The following HERC5 variants were observed in gnomAD, a reference collection of about 807,000 sequenced individuals.
HERC5 encodes E3 ISG15--protein ligase HERC5.
A neutral mutation model predicts 119.6 loss-of-function variants in HERC5; 99 were observed. The ratio of observed to expected loss-of-function variants is 0.83; its 90% CI spans 0.70 to 0.98. The LOEUF (loss-of-function observed/expected upper bound fraction) is 0.98. Among genes scored for constraint, HERC5 ranks in the 50% least tolerant of loss-of-function variants. The pLI is 0.00. For missense variants in HERC5, 1,267 were observed against 1,241.3 expected (o/e 1.02, Z -0.31); for synonymous variants, 478 against 445.9 (o/e 1.07, Z -0.91).
chr4:88,479,895 G>A (rs1216933109), intron 13 of HERC5, among the ~76,000 whole-genome samples: 4 of 151,924 alleles, frequency 2.6e-5, no homozygotes, highest in East Asian at 3.9e-4. Flanking sequence ...GTGAAACCCC[G>A]TCTCTATTAA....
intron 16 of HERC5, among the ~76,000 whole-genome samples, chr4:88,490,070 C>G (rs772497191): frequency 1.3e-5 from 2 of 152,068 alleles, no homozygotes; most frequent in African/African-American, 2.4e-5. Flanking sequence ...TCTTTAAATC[C>G]TACAGTTATT....
chr4:88,463,272 A>G (rs900712097), intron 4 of HERC5, among the ~76,000 whole-genome samples: 21 of 152,232 alleles, frequency 1.4e-4, no homozygotes, highest in African/African-American at 4.6e-4. Flanking sequence ...AAGTGAATCA[A>G]GTCATAACTG....
intron 1 of HERC5, among the ~76,000 whole-genome samples, chr4:88,458,288 T>C (rs576281393): frequency 5.9e-5 from 9 of 152,282 alleles, no homozygotes; most frequent in African/African-American, 2.2e-4. Context: ...TGGGGGGTAG[T>C]CTGTCAATTT....
At chr4:88,475,551 T>G (rs1291407548) in intron 11 of HERC5, among the ~76,000 whole-genome samples, 1 of 152,080 alleles carries the variant, frequency 6.6e-6, no homozygotes, top group Non-Finnish European at 1.5e-5. Flanking sequence ...TCTCCTGACC[T>G]TGTGATCTGC....
chr4:88,473,123 G>C (rs891766997), intron 11 of HERC5: 1 of 151,984 alleles, frequency 6.6e-6, no homozygotes, highest in Admixed American at 6.6e-5. Flanking sequence ...CTGGAGTCCA[G>C]TGGTGCGATC....
Position 88,500,949 on chromosome 4 carries a change from C to T in HERC5, c.2546C>T (p.Pro849Leu). ...GACAGAAACGACACAAACTTAATTC[C>T]TAATGGAAGTAGCATAACTGTCAAC... ...HWDRNDTNLI[P>L]NGSSITVNQT... Residue 849 changes from proline (P) to leucine (L), a missense_variant, in exon 20 of 23, where the codon CCT becomes CTT. Transcript: ENST00000264350. 6.2e-7 allele frequency: 1 copy of T among 1,612,106 alleles called. No homozygotes were observed. The highest frequency in any genetic ancestry group is 8.5e-7 in the Non-Finnish European group (1 of 1,179,360).
chr4:88,479,923 T>A (rs993017480), intron 13 of HERC5, among the ~76,000 whole-genome samples: 82 of 151,946 alleles, frequency 5.4e-4, no homozygotes, highest in African/African-American at 1.8e-3. Context: ...GAAAATTAGC[T>A]GGGCGTGGTG....
intron 22 of HERC5, among the ~76,000 whole-genome samples, chr4:88,505,421 T>G (rs1186195567): frequency 6.6e-6 from 1 of 152,218 alleles, no homozygotes; most frequent in East Asian, 1.9e-4. Context: ...GTCTTATACC[T>G]TACAGCTTTT....
rs761441515 is a variant in HERC5 at position 88,457,550 on chromosome 4, GTGTGAGGGC to G, written c.265+34_265+42del. 2.4e-3 allele frequency: 3,090 copies of G among 1,261,612 alleles called. 6 individuals are homozygous for G. Among genetic ancestry groups the G allele is most frequent in the African/African-American group, 3.0e-3 (196 of 65,488 alleles). The allele number at this position is 1,261,612 out of a possible 1,614,324, so 78.2% of individuals were successfully genotyped here. A position where few individuals can be genotyped will look rare whatever the true frequency, so the allele number is the denominator to read the frequency against. The stretch of plus-strand genomic sequence containing the variant: ...CGGACGCCGAGTGAGTGGGGCTGGT[GTGTGAGGGC>G]TGTGAGGGCTGTGAGGGGTGAGGGC... On this transcript the variant is annotated intron_variant, in intron 1 of 22. Coordinates refer to ENST00000264350, the MANE Select transcript of HERC5 (RefSeq NM_016323.4).
In HERC5 at chr4:88,457,361, C is replaced by T; in HGVS notation, c.92C>T (p.Ala31Val). Reference protein sequence around the residue: ...AATQPAKSPGAQLWLFPSAAG... With the variant: ...AATQPAKSPGVQLWLFPSAAG... ...ACCCAGCCCGCGAAGTCTCCGGGCG[C>T]ACAGCTCTGGCTCTTTCCCAGCGCC... Residue 31 changes from alanine (A) to valine (V), a missense_variant, in exon 1 of 23, where the codon GCA (alanine) becomes GTA (valine). By Grantham distance (64) the Ala-to-Val change is moderately conservative (BLOSUM62 0). Around this residue, in one of 3 missense-constraint regions of HERC5, gnomAD observed 777 missense variants for 758.0 expected, o/e 1.03. Coordinates refer to ENST00000264350, the MANE Select transcript of HERC5 (RefSeq NM_016323.4). 5 of 1,431,462 alleles carry T rather than the reference C, an allele frequency of 3.5e-6. No homozygotes were observed. Among genetic ancestry groups the T allele is most frequent in the Non-Finnish European group, 4.6e-6 (5 of 1,094,648 alleles). 88.7% of individuals were successfully genotyped at this position (1,431,462 alleles called of 1,614,324 possible).
intron 13 of HERC5, among the ~76,000 whole-genome samples, chr4:88,482,348 T>A (rs1345344601): frequency 2.0e-5 from 3 of 150,232 alleles, no homozygotes; most frequent in African/African-American, 7.3e-5. Context: ...AAAAGAGAAG[T>A]AGTAGCTTAA....
intron 17 of HERC5, 131 bp downstream of exon 17, chr4:88,493,286 A>G (rs1206318237): frequency 4.0e-6 from 3 of 746,074 alleles, no homozygotes; most frequent in African/African-American, 3.6e-5. Flanking sequence ...GATAATGTAT[A>G]ATTCTAATAA....
chr4:88,476,088 G>A, intron 12 of HERC5, 58 bp downstream of exon 12: 3 of 1,383,398 alleles, frequency 2.2e-6, no homozygotes, highest in South Asian at 1.3e-5. Flanking sequence ...GACATGTCTA[G>A]TAAAGTTATG....
chr4:88,469,672 G>C (rs762361652), intron 9 of HERC5, among the ~76,000 whole-genome samples: 8 of 152,128 alleles, frequency 5.3e-5, no homozygotes, highest in Non-Finnish European at 1.2e-4. Flanking sequence ...CATTATGGAA[G>C]GTCCTTTCTT....
At chr4:88,488,234 CTTTT>C (rs1233602413) in intron 15 of HERC5, among the ~76,000 whole-genome samples, 1 of 136,668 alleles carries the variant, frequency 7.3e-6, no homozygotes, top group African/African-American at 2.7e-5. Context: ...CTTTTTTTTT[CTTTT>C]TTTTTTTTTT....
intron 6 of HERC5, among the ~76,000 whole-genome samples, chr4:88,465,033 G>C (rs1342926932): frequency 6.6e-6 from 1 of 152,150 alleles, no homozygotes; most frequent in African/African-American, 2.4e-5. Flanking sequence ...GCCTCCCAAA[G>C]TGCTGGGATT....
At chr4:88,482,637 G>A (rs1741317557) in intron 13 of HERC5, among the ~76,000 whole-genome samples, 1 of 152,188 alleles carries the variant, frequency 6.6e-6, no homozygotes, top group African/African-American at 2.4e-5. Context: ...AATCTAGAAG[G>A]GGATGTGTGG....
Position 88,465,573 on chromosome 4 carries a change from C to G in HERC5, c.912-1486C>G, listed in dbSNP as rs577951405. Among the ~76,000 whole-genome samples, 109 of 152,308 alleles carry G rather than the reference C, an allele frequency of 7.2e-4. 1 individual carries two copies. Among genetic ancestry groups the G allele is most frequent in the African/African-American group, 2.6e-3 (107 of 41,564 alleles). Reference sequence around the variant, plus strand: ...AATATTTATACCTCATTCGGTATCTCTTAACCAAAGCAGTCTTATCACCTC... The same window carrying G: ...AATATTTATACCTCATTCGGTATCTGTTAACCAAAGCAGTCTTATCACCTC... On this transcript the variant is annotated intron_variant, in intron 6 of 22. Transcript: ENST00000264350.
intron 18 of HERC5, among the ~76,000 whole-genome samples, chr4:88,498,831 A>G (rs1346663269): frequency 6.6e-6 from 1 of 152,174 alleles, no homozygotes; most frequent in Admixed American, 6.5e-5. Flanking sequence ...TCGGCCTCCC[A>G]AATTGCTGGG....
Sources: gnomAD v4.1 joint callset for allele counts (sites outside exome capture counted in the v4.1 genomes callset) on GRCh38, gnomAD v4.1.1 for gene constraint, gnomAD v4.1.1 regional missense constraint, MANE v1.5 for transcripts, NCBI Gene and HGNC (gene_info 2026-07-23, HGNC 2026-07-21) for gene names.